Variants in KIF11 observed in about 807,000 individuals in gnomAD.
The protein encoded by KIF11 is kinesin family member 11.
KIF11 carries 9 observed loss-of-function variants against 121.0 expected under a neutral mutation model. The observed-to-expected ratio is 0.07, with a 90% CI of 0.04 to 0.13. The LOEUF (loss-of-function observed/expected upper bound fraction) is 0.13. Ranked by LOEUF, KIF11 falls within the 10% of genes least tolerant of loss-of-function variation. The probability of loss-of-function intolerance (pLI) is 1.00; values close to 1 mark genes in which losing one functional copy is unlikely to be tolerated. For synonymous variants in KIF11, 408 were observed against 421.0 expected, an observed-to-expected ratio of 0.97 and a Z score of 0.38; for missense variants, 846 against 1,217.5, an observed-to-expected ratio of 0.69 and a Z score of 4.54.
intron 1 of KIF11, among the ~76,000 whole-genome samples, chr10:92,604,142 CTT>C (rs962611437): frequency 2.0e-5 from 3 of 152,140 alleles, no homozygotes; most frequent in African/African-American, 7.2e-5. Context: ...GCAGCCGAAA[CTT>C]TGCAATTTCT....
chr10:92,624,398 T>A (rs1321394369), intron 10 of KIF11, among the ~76,000 whole-genome samples: 2 of 142,582 alleles, frequency 1.4e-5, no homozygotes, highest in African/African-American at 2.5e-5. Flanking sequence ...GCCCAGCAAA[T>A]TTTTTTTTTT....
chr10:92,625,455 TCTCCTGCCTCAGC>T (rs1355172528), intron 10 of KIF11, among the ~76,000 whole-genome samples: 2 of 151,762 alleles, frequency 1.3e-5, no homozygotes, highest in Non-Finnish European at 1.5e-5. Flanking sequence ...TTCAAGCGAT[TCTCCTGCCTCAGC>T]CTCCGAAGTA....
chr10:92,631,559 C>T (rs1413658205), intron 12 of KIF11, among the ~76,000 whole-genome samples: 1 of 150,028 alleles, frequency 6.7e-6, no homozygotes, highest in Non-Finnish European at 1.5e-5. Flanking sequence ...GACGGGGTTT[C>T]ACCTTGTTAG....
Position 92,606,634 on chromosome 10 carries a change from A to G in KIF11, c.226A>G (p.Thr76Ala), listed in dbSNP as rs770145180. ...YTFDMVFGAS[T>A]KQIDVYRSVV... ...TTTTCGTTAGGTGTTTGGAGCATCTACTAAACAGATTGATGTTTACCGAAG... is the reference window on the plus strand; with the variant it reads ...TTTTCGTTAGGTGTTTGGAGCATCTGCTAAACAGATTGATGTTTACCGAAG... The change falls in exon 3 of 22, where the codon ACT becomes GCT. Residue 76 changes from threonine (T) to alanine (A), a missense_variant. Coordinates refer to ENST00000260731, the MANE Select transcript of KIF11 (RefSeq NM_004523.4). The G allele has an allele frequency of 6.3e-7, 1 of 1,581,112 alleles. No homozygotes were observed. The highest frequency in any genetic ancestry group is 1.1e-5 in the South Asian group (1 of 89,936).
At chr10:92,618,339 A>T (rs541530394) in intron 9 of KIF11, among the ~76,000 whole-genome samples, 1 of 151,276 alleles carries the variant, frequency 6.6e-6, no homozygotes, top group South Asian at 2.1e-4. Flanking sequence ...ACATGCAGTT[A>T]TAAGAAATAA....
At chr10:92,617,387 G>A (rs1423335338) in intron 9 of KIF11, among the ~76,000 whole-genome samples, 2 of 152,144 alleles carry the variant, frequency 1.3e-5, no homozygotes, top group Non-Finnish European at 2.9e-5. Context: ...CTTATAACAT[G>A]TATCAGTAGT....
rs775540468 is a variant in KIF11, at chr10:92,633,777, T to C, written c.1857T>C (p.Thr619=). 5 of 1,585,022 alleles carry C rather than the reference T, an allele frequency of 3.2e-6. No individual in the cohort carries two copies. Among genetic ancestry groups the C allele is most frequent in the South Asian group, 2.3e-5 (2 of 88,352 alleles). ...KEQSLAAESK[T]VLQELINVLK... ...AATCATTAGCAGCAGAAAGTAAAACTGTACTACAGGAATTGATTGTTAGTA... is the reference window on the plus strand; with the variant it reads ...AATCATTAGCAGCAGAAAGTAAAACCGTACTACAGGAATTGATTGTTAGTA... Residue 619 remains threonine, a synonymous_variant, in exon 14 of 22, where the codon ACT becomes ACC. Transcript: ENST00000260731.
At chr10:92,600,621 C>T (rs939389245) in intron 1 of KIF11, among the ~76,000 whole-genome samples, 1 of 152,022 alleles carries the variant, frequency 6.6e-6, no homozygotes, top group Non-Finnish European at 1.5e-5. Context: ...GATTCTCCTG[C>T]CTCAGCCTCC....
intron 8 of KIF11, among the ~76,000 whole-genome samples, chr10:92,616,311 C>T (rs1452246546): frequency 4.6e-5 from 7 of 151,742 alleles, no homozygotes; most frequent in Non-Finnish European, 8.8e-5. Context: ...GATCCTCCCA[C>T]CTTAGACTCC....
chr10:92,640,121 C>G (rs775065115), intron 17 of KIF11, among the ~76,000 whole-genome samples: 1 of 152,120 alleles, frequency 6.6e-6, no homozygotes, highest in South Asian at 2.1e-4. Context: ...CTGGCTGTTA[C>G]CCACAATATA....
intron 21 of KIF11, 26 bp from the exon 22 acceptor site, chr10:92,653,639 T>G: frequency 6.2e-7 from 1 of 1,601,692 alleles, no homozygotes; most frequent in South Asian, 1.1e-5. Context: ...TTGTATTGAC[T>G]TAATTTTCCC....
intron 19 of KIF11, among the ~76,000 whole-genome samples, chr10:92,648,967 G>A (rs1844951348): frequency 6.6e-6 from 1 of 152,124 alleles, no homozygotes; most frequent in South Asian, 2.1e-4. Flanking sequence ...GGTCTTCATG[G>A]AAGAGATGTA....
chr10:92,618,541 G>A (rs1363586777), intron 9 of KIF11, among the ~76,000 whole-genome samples: 1 of 150,896 alleles, frequency 6.6e-6, no homozygotes, highest in East Asian at 1.9e-4. Flanking sequence ...AGTTACTCAG[G>A]AGGCTGAGAC....
At chr10:92,637,591 G>C in intron 16 of KIF11, 46 bp downstream of exon 16, 1 of 1,541,684 alleles carries the variant, frequency 6.5e-7, no homozygotes, top group Non-Finnish European at 8.7e-7. Context: ...AGAGTTTTAG[G>C]ATGATTTGAT....
At chr10:92,603,547 C>T (rs575363201) in intron 1 of KIF11, among the ~76,000 whole-genome samples, 137 of 152,194 alleles carry the variant, frequency 9.0e-4, no homozygotes, top group Admixed American at 7.1e-3. Flanking sequence ...GATGAGGTTT[C>T]ACCATATTGG....
chr10:92,638,115 A>G (rs552102227), intron 16 of KIF11, among the ~76,000 whole-genome samples: 51 of 152,372 alleles, frequency 3.3e-4, no homozygotes, highest in Non-Finnish European at 5.1e-4. Context: ...AATATCAGAT[A>G]TCTGAAAAAC....
rs1844979762 is a variant in KIF11 at position 92,651,502 on chromosome 10, ATTTTGTTTTTTTTTTTTT to A, written c.3039+990_3039+1007del. ...AGGCATGTGCCACCATGCCTGGCTA[ATTTTGTTTTTTTTTTTTT>A]TTTTTTTTTTTTTTTTTTTTTTTTT... On this transcript the variant is annotated intron_variant, in intron 21 of 21. Transcript: ENST00000260731. Among the ~76,000 whole-genome samples the A allele has an allele frequency of 1.3e-3, 28 of 21,560 alleles. 1 individual carries two copies. Among genetic ancestry groups the A allele is most frequent in the Non-Finnish European group, 9.7e-4 (12 of 12,348 alleles). The allele number at this position is 21,560 out of a possible 152,430, so 14.1% of individuals were successfully genotyped here.
At chr10:92,594,043 G>T (rs1844263922) in intron 1 of KIF11, among the ~76,000 whole-genome samples, 1 of 152,160 alleles carries the variant, frequency 6.6e-6, no homozygotes, top group Non-Finnish European at 1.5e-5. Context: ...CGAGATAAAG[G>T]GATGTGGAGG....
At chr10:92,651,548 T>A (rs1286782288) in intron 21 of KIF11, among the ~76,000 whole-genome samples, 25 of 117,182 alleles carry the variant, frequency 2.1e-4, no homozygotes, top group African/African-American at 6.7e-4. Flanking sequence ...TTTTTTTTTT[T>A]AGTAGAGGGG....
Sources: allele counts gnomAD v4.1 joint callset (sites outside exome capture counted in the v4.1 genomes callset), GRCh38; gene constraint gnomAD v4.1.1; transcripts MANE v1.5; gene names NCBI Gene and HGNC (gene_info 2026-07-23, HGNC 2026-07-21).